LSAMP: variants seen among roughly 807,000 people sequenced by gnomAD.
LSAMP encodes the protein limbic system associated membrane protein.
In LSAMP, 7 loss-of-function variants were observed where a neutral mutation model predicts 38.6. That is an observed-to-expected ratio of 0.18 (90% CI 0.10 to 0.34). The LOEUF (loss-of-function observed/expected upper bound fraction) is 0.34, where lower values mean the gene tolerates loss of function less well. Among genes scored for constraint, LSAMP ranks in the 10% least tolerant of loss-of-function variants. The pLI, the probability that LSAMP is intolerant of heterozygous loss-of-function variation, is 1.00. For missense variants in LSAMP, 313 were observed against 420.0 expected, an observed-to-expected ratio of 0.75 and a Z score of 2.23; for synonymous variants, 154 against 166.8, an observed-to-expected ratio of 0.92 and a Z score of 0.59.
At chr3:116,077,396 C>T (rs1707768484) in intron 2 of LSAMP, among the ~76,000 whole-genome samples, 2 of 151,546 alleles carry the variant, frequency 1.3e-5, no homozygotes, top group East Asian at 3.9e-4. Context: ...AAACTATATC[C>T]TATGTATTTT....
intron 1 of LSAMP, among the ~76,000 whole-genome samples, chr3:116,426,919 C>T (rs566877799): frequency 6.6e-6 from 1 of 150,936 alleles, no homozygotes; most frequent in East Asian, 1.9e-4. Flanking sequence ...AAAAGTCTGC[C>T]AAGAAACTTG....
At chr3:115,847,927 C>T (rs867098395) in intron 4 of LSAMP, among the ~76,000 whole-genome samples, 5 of 152,154 alleles carry the variant, frequency 3.3e-5, no homozygotes, top group Non-Finnish European at 5.9e-5. Flanking sequence ...CTAGGAGAGT[C>T]TTGGTACTCT....
At chr3:115,843,274 A>G (rs1477451016) in intron 4 of LSAMP, among the ~76,000 whole-genome samples, 1 of 152,180 alleles carries the variant, frequency 6.6e-6, no homozygotes, top group Non-Finnish European at 1.5e-5. Flanking sequence ...TGGGCCCTTG[A>G]TTTTTATGCC....
intron 1 of LSAMP, among the ~76,000 whole-genome samples, chr3:116,191,121 G>A (rs1039541366): frequency 1.3e-5 from 2 of 152,124 alleles, no homozygotes; most frequent in African/African-American, 4.8e-5. Context: ...TACTCGGGAG[G>A]CTGAGGCAGG....
At chr3:116,356,321 C>A (rs2048223105) in intron 1 of LSAMP, among the ~76,000 whole-genome samples, 1 of 152,078 alleles carries the variant, frequency 6.6e-6, no homozygotes, top group African/African-American at 2.4e-5. Flanking sequence ...GTAAGCCAGG[C>A]ACAGAAAGAA....
At chr3:116,162,378 G>A (rs529965628) in intron 1 of LSAMP, among the ~76,000 whole-genome samples, 18 of 152,270 alleles carry the variant, frequency 1.2e-4, no homozygotes, top group South Asian at 8.3e-4. Flanking sequence ...AAAACAGGAA[G>A]AGGGAGGGAT....
chr3:116,394,541 C>G lies in LSAMP; in HGVS notation c.155+50336G>C, dbSNP rs560592541. Among the ~76,000 whole-genome samples, 15 of 152,278 alleles carry G rather than the reference C, an allele frequency of 9.9e-5. 1 individual carries two copies. The East Asian group carries it at 2.9e-3, about 29-fold the overall frequency. On this transcript the variant is annotated intron_variant, in intron 1 of 6. Coordinates refer to ENST00000490035, the MANE Select transcript of LSAMP (RefSeq NM_002338.5). ...CACAAGTCCTTTCGTGTAACAGATG[C>G]CAACCTGCTATAATTTTGACTCATT...
chr3:116,078,014 A>C (rs1038402009), intron 2 of LSAMP, among the ~76,000 whole-genome samples: 2 of 152,170 alleles, frequency 1.3e-5, no homozygotes, highest in African/African-American at 4.8e-5. Context: ...AGTAGTGTTA[A>C]CTTTGATCAC....
chr3:115,840,796 TC>T (rs1934973285), intron 6 of LSAMP, among the ~76,000 whole-genome samples: 1 of 152,172 alleles, frequency 6.6e-6, no homozygotes, highest in African/African-American at 2.4e-5. Context: ...TTTCTTCTGG[TC>T]ATAGTATTTC....
At chr3:116,288,153 C>T (rs142826915) in intron 1 of LSAMP, among the ~76,000 whole-genome samples, 3 of 152,110 alleles carry the variant, frequency 2.0e-5, no homozygotes, top group Admixed American at 6.5e-5. Flanking sequence ...TTAGATGGAA[C>T]GAATAGGGAA....
rs2049497864 is a variant in LSAMP at position 116,445,408 on chromosome 3, A to G, written c.-377T>C. The G allele has an allele frequency of 4.6e-6, 2 of 430,758 alleles. No individual in the cohort carries two copies. Among genetic ancestry groups the G allele is most frequent in the Non-Finnish European group, 8.1e-6 (2 of 246,118 alleles). 26.7% of individuals were successfully genotyped at this position (430,758 alleles called of 1,614,324 possible). A position where few individuals can be genotyped will look rare whatever the true frequency, so the allele number is the denominator to read the frequency against. On this transcript the variant is annotated 5_prime_UTR_variant, in exon 1 of 7. Coordinates refer to ENST00000490035, the MANE Select transcript of LSAMP (RefSeq NM_002338.5). Reference sequence around the variant, plus strand: ...GCTGAGCTCCTTCGCTCTGTAACCCACTTTCCCAGGCTGGCGGGCGGGCGG... The same window carrying G: ...GCTGAGCTCCTTCGCTCTGTAACCCGCTTTCCCAGGCTGGCGGGCGGGCGG...
chr3:116,369,486 G>A (rs112773261), intron 1 of LSAMP, among the ~76,000 whole-genome samples: 5 of 152,282 alleles, frequency 3.3e-5, no homozygotes, highest in African/African-American at 1.2e-4. Context: ...GAGAGACCAA[G>A]AGATATAAAG....
intron 1 of LSAMP, among the ~76,000 whole-genome samples, chr3:116,312,892 TACTC>T (rs1253515010): frequency 6.6e-6 from 1 of 152,182 alleles, no homozygotes; most frequent in African/African-American, 2.4e-5. Context: ...ACACATATCT[TACTC>T]ACAAAATGCA....
chr3:116,086,401 T>A lies in LSAMP; in HGVS notation c.311A>T (p.Tyr104Phe). The A allele has an allele frequency of 6.2e-7, 1 of 1,614,120 alleles. No homozygotes were observed. Among genetic ancestry groups the A allele is most frequent in the Middle Eastern group, 1.6e-4 (1 of 6,062 alleles). ...YSLRIQKVDV[Y>F]DEGSYTCSVQ... ...TGAGCAAGTGTAGGAACCCTCATCA[T>A]AGACATCCACCTTCTGGATTCGGAG... The change falls in exon 2 of 7, where the codon TAT (tyrosine) becomes TTT (phenylalanine). Residue 104 changes from tyrosine to phenylalanine, a missense_variant. Tyr to Phe is a conservative substitution (Grantham distance 22). Transcript: ENST00000490035.
intron 2 of LSAMP, among the ~76,000 whole-genome samples, chr3:116,056,404 A>G (rs918304081): frequency 6.6e-6 from 1 of 152,194 alleles, no homozygotes; most frequent in Non-Finnish European, 1.5e-5. Flanking sequence ...GAAATCTGGT[A>G]CAGACCTACC....
chr3:115,857,105 G>A (rs1935530660), intron 3 of LSAMP, among the ~76,000 whole-genome samples: 1 of 152,176 alleles, frequency 6.6e-6, no homozygotes, highest in African/African-American at 2.4e-5. Context: ...CATGTCCTGA[G>A]GAATTATCTG....
At chr3:116,242,784 A>G (rs1274333923) in intron 1 of LSAMP, among the ~76,000 whole-genome samples, 1 of 151,756 alleles carries the variant, frequency 6.6e-6, no homozygotes, top group Non-Finnish European at 1.5e-5. Flanking sequence ...AACACTAAAG[A>G]TTGTCTTCTA....
chr3:116,180,903 G>A (rs1214606536), intron 1 of LSAMP, among the ~76,000 whole-genome samples: 1 of 152,058 alleles, frequency 6.6e-6, no homozygotes, highest in Middle Eastern at 3.2e-3. Context: ...CATGGGTTAG[G>A]TGATTCCATG....
At chr3:116,076,130 T>C (rs1285165970) in intron 2 of LSAMP, among the ~76,000 whole-genome samples, 3 of 152,226 alleles carry the variant, frequency 2.0e-5, no homozygotes, top group African/African-American at 7.2e-5. Flanking sequence ...CTGCATCATA[T>C]GTGACATGAC....
Sources: allele counts gnomAD v4.1 joint callset (sites outside exome capture counted in the v4.1 genomes callset), GRCh38; gene constraint gnomAD v4.1.1; transcripts MANE v1.5; gene names NCBI Gene and HGNC (gene_info 2026-07-23, HGNC 2026-07-21).